The following POLR1E variants were observed in gnomAD, a reference collection of about 807,000 sequenced individuals.
POLR1E encodes the protein RNA polymerase I subunit E.
POLR1E carries 37 observed loss-of-function variants against 50.9 expected under a neutral mutation model. The ratio of observed to expected loss-of-function variants is 0.73; its 90% CI spans 0.56 to 0.96. The LOEUF (loss-of-function observed/expected upper bound fraction) is 0.96, where lower values mean the gene tolerates loss of function less well. Among genes scored for constraint, POLR1E ranks in the 40% least tolerant of loss-of-function variants. The pLI is 0.00. For synonymous variants in POLR1E, 166 were observed against 191.6 expected (o/e 0.87, Z 1.10); for missense variants, 426 against 518.1 (o/e 0.82, Z 1.73).
intron 4 of POLR1E, among the ~76,000 whole-genome samples, chr9:37,491,083 C>G (rs888348697): frequency 6.6e-6 from 1 of 152,010 alleles, no homozygotes; most frequent in Admixed American, 6.5e-5. Context: ...TTTTTTTTCC[C>G]TAATCCAGTG....
chr9:37,496,070 G>A (rs1283132137), intron 8 of POLR1E, 84 bp downstream of exon 8: 21 of 956,246 alleles, frequency 2.2e-5, no homozygotes, highest in African/African-American at 4.9e-5. Flanking sequence ...TCCTCTGGGC[G>A]TCAGTCAGTG....
intron 3 of POLR1E, among the ~76,000 whole-genome samples, chr9:37,488,588 A>C (rs1820619937): frequency 6.7e-6 from 1 of 149,744 alleles, no homozygotes; most frequent in African/African-American, 2.5e-5. Flanking sequence ...TTAACCCTGC[A>C]CTCTCCCCTC....
rs756828379 is a variant in POLR1E, at chr9:37,498,187, C to T, written c.849C>T (p.Leu283=). 5 of 1,613,872 alleles carry T rather than the reference C, an allele frequency of 3.1e-6. No individual in the cohort carries two copies. The Admixed American group carries it at 6.7e-5, about 22-fold the overall frequency. ...GATGCATATGGTTTCTGGATACCCT[C>T]ATCAAATTTCGAGCTCATAGGGTAG... is the stretch of plus-strand genomic sequence containing the variant. The part of the protein sequence containing the change: ...QARCIWFLDT[L]IKFRAHRVVK... The change falls in exon 9 of 12, where the codon CTC becomes CTT. Residue 283 remains leucine (L), a synonymous_variant. Transcript: ENST00000377798.
At chr9:37,497,081 C>T (rs918475237) in intron 8 of POLR1E, among the ~76,000 whole-genome samples, 5 of 152,190 alleles carry the variant, frequency 3.3e-5, no homozygotes, top group Non-Finnish European at 5.9e-5. Context: ...CCCCGCTGGG[C>T]ACGGTGGCTC....
chr9:37,492,223 G>A lies in POLR1E; in HGVS notation c.344-434G>A, dbSNP rs1343237627. The A allele has an allele frequency of 7.0e-6, 9 of 1,282,144 alleles. No individual in the cohort carries two copies. In the Admixed American group the frequency reaches 1.8e-4, roughly 26 times the overall value. 79.4% of individuals were successfully genotyped at this position (1,282,144 alleles called of 1,614,324 possible). A position where few individuals can be genotyped will look rare whatever the true frequency, so the allele number is the denominator to read the frequency against. On this transcript the variant is annotated intron_variant, in intron 4 of 11. Transcript: ENST00000377798. ...TATACTGCCCTTATTTGAGTACTTTGTAGATGATTGGAGAGCATCGGTAAG... is the reference window on the plus strand; with the variant it reads ...TATACTGCCCTTATTTGAGTACTTTATAGATGATTGGAGAGCATCGGTAAG...
rs1820932563 is a variant in POLR1E, at chr9:37,503,494, C to T, written c.*292C>T. 1 of 227,526 alleles carries T rather than the reference C, an allele frequency of 4.4e-6. No homozygotes were observed. Among genetic ancestry groups the T allele is most frequent in the Non-Finnish European group, 8.6e-6 (1 of 116,428 alleles). 14.1% of individuals were successfully genotyped at this position (227,526 alleles called of 1,614,324 possible). ...TCGGGAGGCTGAGGCAGGACGATTA[C>T]TTGAGCTTGGGAAATCAAGGTTGCA... is the stretch of plus-strand genomic sequence containing the variant. On this transcript the variant is annotated 3_prime_UTR_variant, in exon 12 of 12. Coordinates refer to ENST00000377798, the MANE Select transcript of POLR1E (RefSeq NM_022490.4).
At chr9:37,497,199 T>A (rs540547646) in intron 8 of POLR1E, among the ~76,000 whole-genome samples, 1 of 152,174 alleles carries the variant, frequency 6.6e-6, no homozygotes, top group East Asian at 1.9e-4. Flanking sequence ...CTACTAAAAA[T>A]ACAAAGTTAG....
chr9:37,495,113 T>A (rs1275958254), intron 6 of POLR1E, 56 bp from the exon 7 acceptor site: 1 of 1,410,514 alleles, frequency 7.1e-7, no homozygotes, highest in East Asian at 2.3e-5. Flanking sequence ...CTGAAAAGAA[T>A]GTTGGGGAAC....
chr9:37,495,896 C>T lies in POLR1E; in HGVS notation c.662C>T (p.Ser221Phe). 2.5e-6 allele frequency: 4 copies of T among 1,612,118 alleles called. No homozygotes were observed. The highest frequency in any genetic ancestry group is 3.4e-6 in the Non-Finnish European group (4 of 1,178,226). Residue 221 changes from serine (S) to phenylalanine (F), a missense_variant, in exon 8 of 12, where the codon TCC (serine) becomes TTC (phenylalanine). Physicochemically the swap from Ser to Phe is radical, Grantham distance 155. Transcript: ENST00000377798. Reference protein sequence around the residue: ...EDVYKFEDLLSPAEYEALQSP... With the variant: ...EDVYKFEDLLFPAEYEALQSP... ...ATTCTTGACCTGTAACTAGTTCTTT[C>T]CCCTGCGGAGTATGAAGCTCTTCAG...
chr9:37,486,274 C>T, intron 1 of POLR1E, 151 bp downstream of exon 1: 1 of 1,268,236 alleles, frequency 7.9e-7, no homozygotes, highest in Non-Finnish European at 1.1e-6. Flanking sequence ...TGTCAGGGCT[C>T]CCCTGTCCGT....
At chr9:37,487,048 A>G (rs1230363905) in intron 2 of POLR1E, among the ~76,000 whole-genome samples, 1 of 152,220 alleles carries the variant, frequency 6.6e-6, no homozygotes, top group Non-Finnish European at 1.5e-5. Flanking sequence ...CTTCTAGGAA[A>G]ACAGCCAAAT....
At chr9:37,489,421 C>T (rs1820640320) in intron 4 of POLR1E, 21 bp downstream of exon 4, 1 of 1,544,892 alleles carries the variant, frequency 6.5e-7, no homozygotes, top group African/African-American at 1.4e-5. Flanking sequence ...GTCATGAAAG[C>T]TGACAGAAAT....
intron 9 of POLR1E, among the ~76,000 whole-genome samples, chr9:37,499,575 A>C (rs1301512069): frequency 1.3e-5 from 2 of 152,120 alleles, no homozygotes; most frequent in Non-Finnish European, 2.9e-5. Context: ...TCTGTCACCC[A>C]GACTGGAGTG....
In POLR1E at chr9:37,488,772, CT is replaced by C. The variant is rs35148517; in HGVS notation, c.258-531del. On this transcript the variant is annotated intron_variant, in intron 3 of 11. Transcript: ENST00000377798. ...ATCAACTATCAGAATCACCTAGTAGCTTTTTTTTTTTTCCCAGAACCACCTC... is the reference window on the plus strand; with the variant it reads ...ATCAACTATCAGAATCACCTAGTAGCTTTTTTTTTTTCCCAGAACCACCTC... Among the ~76,000 whole-genome samples the C allele has an allele frequency of 3.3e-3, 488 of 146,606 alleles. 2 individuals carry two copies. Among genetic ancestry groups the C allele is most frequent in the African/African-American group, 8.0e-3 (320 of 40,230 alleles).
intron 4 of POLR1E, 110 bp downstream of exon 4, chr9:37,489,510 AT>A: frequency 1.4e-6 from 1 of 721,250 alleles, no homozygotes; most frequent in Non-Finnish European, 2.2e-6. Flanking sequence ...ATTTTAATTT[AT>A]TTATTCTGTT....
At chr9:37,502,492 G>C (rs1446552020) in intron 11 of POLR1E, among the ~76,000 whole-genome samples, 1 of 152,026 alleles carries the variant, frequency 6.6e-6, no homozygotes, top group Admixed American at 6.5e-5. Flanking sequence ...AGACAGTAGG[G>C]GCAGAGCTGC....
At chr9:37,500,685 A>T (rs142465520) in intron 9 of POLR1E, among the ~76,000 whole-genome samples, 155 bp from the exon 10 acceptor site, 200 of 152,202 alleles carry the variant, frequency 1.3e-3, no homozygotes, top group African/African-American at 4.3e-3. Flanking sequence ...TTTCATTTTG[A>T]TGTGGCTGTT....
rs754544195 is a variant in POLR1E at position 37,493,539 on chromosome 9, C to A, written c.403-20C>A. ...ACCTACCTGTCCTGTCCCCAGTAAC[C>A]AGGTTTATCTCATAAACAGATGGAT... On this transcript the variant is annotated intron_variant, in intron 5 of 11. Coordinates refer to ENST00000377798, the MANE Select transcript of POLR1E (RefSeq NM_022490.4). 4 of 1,564,530 alleles carry A rather than the reference C, an allele frequency of 2.6e-6. No individual in the cohort carries two copies. The highest frequency in any genetic ancestry group is 3.5e-6 in the Non-Finnish European group (4 of 1,150,660).
intron 1 of POLR1E, 176 bp from the exon 2 acceptor site, chr9:37,486,527 C>T (rs1334942649): frequency 6.4e-7 from 1 of 1,564,120 alleles, no homozygotes; most frequent in Admixed American, 1.9e-5. Context: ...ACCTCCCTAC[C>T]TCCTCTTCTC....
Sources: allele counts gnomAD v4.1 joint callset (sites outside exome capture counted in the v4.1 genomes callset), GRCh38; gene constraint gnomAD v4.1.1; transcripts MANE v1.5; gene names NCBI Gene and HGNC (gene_info 2026-07-23, HGNC 2026-07-21).